The following XPR1 variants were observed in gnomAD, a reference collection of about 807,000 sequenced individuals.
The protein encoded by XPR1 is solute carrier family 53 member 1.
XPR1 carries 28 observed loss-of-function variants against 87.5 expected under a neutral mutation model. The observed-to-expected ratio is 0.32, with a 90% CI of 0.24 to 0.44. XPR1 has a LOEUF of 0.44. XPR1 is among the 20% of genes least tolerant of loss of function. XPR1 has a pLI of 1.00. For missense variants in XPR1, 559 were observed against 862.3 expected (o/e 0.65, Z 4.41); for synonymous variants, 300 against 306.1 (o/e 0.98, Z 0.21).
At chr1:180,863,687 C>T (rs770881368) in intron 11 of XPR1, 21 bp from the exon 12 acceptor site, 4 of 1,536,232 alleles carry the variant, frequency 2.6e-6, no homozygotes, top group Non-Finnish European at 2.6e-6. Context: ...TCTCTTTTCT[C>T]TTTCCCTCTT....
chr1:180,853,585 T>C (rs755294225), intron 11 of XPR1, among the ~76,000 whole-genome samples: 11 of 151,496 alleles, frequency 7.3e-5, no homozygotes, highest in Non-Finnish European at 1.0e-4. Context: ...ATTTTTTTAA[T>C]TGAAAACTGG....
At chr1:180,841,868 G>A (rs964408667) in intron 11 of XPR1, among the ~76,000 whole-genome samples, 8 of 151,926 alleles carry the variant, frequency 5.3e-5, no homozygotes, top group African/African-American at 1.9e-4. Flanking sequence ...GCTTAAAATC[G>A]AGGGAAAAAG....
intron 7 of XPR1, among the ~76,000 whole-genome samples, chr1:180,811,901 C>T (rs1405672050): frequency 6.6e-6 from 1 of 152,134 alleles, no homozygotes; most frequent in Admixed American, 6.5e-5. Context: ...AATCTATTTA[C>T]AATTACTTTG....
At chr1:180,724,862 T>C (rs1479059770) in intron 2 of XPR1, among the ~76,000 whole-genome samples, 1 of 152,222 alleles carries the variant, frequency 6.6e-6, no homozygotes, top group Non-Finnish European at 1.5e-5. Context: ...GTATACATCA[T>C]TGGTAACAGA....
chr1:180,786,021 G>A (rs930852361), intron 2 of XPR1, among the ~76,000 whole-genome samples: 6 of 151,192 alleles, frequency 4.0e-5, no homozygotes, highest in South Asian at 2.1e-4. Context: ...AATAATTCCC[G>A]GTGACCTTGG....
At chr1:180,832,488 G>A (rs1423480106) in intron 9 of XPR1, among the ~76,000 whole-genome samples, 1 of 152,138 alleles carries the variant, frequency 6.6e-6, no homozygotes, top group Non-Finnish European at 1.5e-5. Flanking sequence ...GAATGGTATT[G>A]CCTAGATTTT....
chr1:180,876,635 CAA>C (rs532038656), intron 13 of XPR1, among the ~76,000 whole-genome samples: 19 of 108,022 alleles, frequency 1.8e-4, no homozygotes, highest in Admixed American at 2.9e-4. Context: ...GACCCTGTCT[CAA>C]AAAAAAAAAA....
chr1:180,808,173 A>C (rs1350403697), intron 6 of XPR1, among the ~76,000 whole-genome samples: 1 of 152,182 alleles, frequency 6.6e-6, no homozygotes, highest in Non-Finnish European at 1.5e-5. Context: ...TAGAGTGTCC[A>C]AAAATAGACT....
chr1:180,817,211 CAA>C (rs1396005114), intron 7 of XPR1, among the ~76,000 whole-genome samples: 1 of 151,930 alleles, frequency 6.6e-6, no homozygotes, highest in East Asian at 1.9e-4. Flanking sequence ...GGTATTATTA[CAA>C]AAGAGTTAAA....
In XPR1 at chr1:180,744,650, C is replaced by CTTTTTTTT. The variant is rs200044209; in HGVS notation, c.122-43100_122-43099insTTTTTTTT. Among the ~76,000 whole-genome samples the CTTTTTTTT allele has an allele frequency of 3.8e-3, 213 of 56,780 alleles. 3 individuals are homozygous for CTTTTTTTT. The highest frequency in any genetic ancestry group is 8.4e-3 in the African/African-American group (143 of 17,048). The allele number at this position is 56,780 out of a possible 152,430, so 37.2% of individuals were successfully genotyped here. ...ACTTGTTCAGGTTTAGGCACAATTT[C>CTTTTTTTT]TTTCTTTTTTTTTTTTTTGAGACAG... On this transcript the variant is annotated intron_variant, in intron 2 of 14. Transcript: ENST00000367590.
At chr1:180,697,736 T>G (rs956015344) in intron 2 of XPR1, among the ~76,000 whole-genome samples, 2 of 152,142 alleles carry the variant, frequency 1.3e-5, no homozygotes, top group African/African-American at 4.8e-5. Flanking sequence ...TTGTTAATTT[T>G]CATGTATTTG....
At chr1:180,735,942 G>A (rs977649771) in intron 2 of XPR1, among the ~76,000 whole-genome samples, 3 of 152,080 alleles carry the variant, frequency 2.0e-5, no homozygotes, top group Non-Finnish European at 4.4e-5. Context: ...TCAGCAACCA[G>A]TCATGAGTAT....
intron 2 of XPR1, among the ~76,000 whole-genome samples, chr1:180,772,485 C>G (rs145440410): frequency 2.2e-3 from 327 of 152,038 alleles, no homozygotes; most frequent in Middle Eastern, 6.8e-3. Context: ...GTGTGTGTGT[C>G]TGTCTGTCTG....
chr1:180,841,795 TA>T (rs894506767), intron 11 of XPR1, among the ~76,000 whole-genome samples: 10 of 151,154 alleles, frequency 6.6e-5, no homozygotes, highest in Non-Finnish European at 1.2e-4. Context: ...TATTGGTAAA[TA>T]AAAAAAAACT....
At position 180,806,106 on chromosome 1, in the gene XPR1, C is replaced by T. The variant is rs1649977127; in HGVS notation, c.492C>T (p.Asp164=). ...TTCGAAAAATCCTGAAAAAGCATGACAAGATCCTGGAAACATCTCGTGGAG... is the reference window on the plus strand; with the variant it reads ...TTCGAAAAATCCTGAAAAAGCATGATAAGATCCTGGAAACATCTCGTGGAG... The part of the protein sequence containing the change: ...TGFRKILKKH[D]KILETSRGAD... The change falls in exon 5 of 15, where the codon GAC becomes GAT. Residue 164 remains aspartate, a synonymous_variant. Coordinates refer to ENST00000367590, the MANE Select transcript of XPR1 (RefSeq NM_004736.4). The T allele has an allele frequency of 6.2e-7, 1 of 1,613,654 alleles. No individual in the cohort carries two copies. Among genetic ancestry groups the T allele is most frequent in the African/African-American group, 1.3e-5 (1 of 75,020 alleles).
At chr1:180,874,092 A>T in intron 13 of XPR1, 150 bp downstream of exon 13, 1 of 983,824 alleles carries the variant, frequency 1.0e-6, no homozygotes, top group South Asian at 1.8e-5. Context: ...GAATTGGAAA[A>T]CCATGTTGGC....
At chr1:180,696,057 C>T (rs1378079276) in intron 2 of XPR1, among the ~76,000 whole-genome samples, 1 of 151,490 alleles carries the variant, frequency 6.6e-6, no homozygotes, top group African/African-American at 2.4e-5. Flanking sequence ...TCTTCTGACC[C>T]ATGAGCATGG....
intron 1 of XPR1, among the ~76,000 whole-genome samples, chr1:180,677,832 A>G (rs61809314): frequency 0.054 from 8,224 of 152,288 alleles, 327 homozygotes; most frequent in Non-Finnish European, 0.079. Context: ...AGTTTGGTCT[A>G]TGCCCTGGAA....
chr1:180,679,259 T>C (rs1656477814), intron 1 of XPR1, among the ~76,000 whole-genome samples: 1 of 152,124 alleles, frequency 6.6e-6, no homozygotes, highest in Non-Finnish European at 1.5e-5. Context: ...CTTCTTCCTT[T>C]TTGGTATTTA....
Sources: gnomAD v4.1 joint callset for allele counts (sites outside exome capture counted in the v4.1 genomes callset) on GRCh38, gnomAD v4.1.1 for gene constraint, MANE v1.5 for transcripts, NCBI Gene and HGNC (gene_info 2026-07-23, HGNC 2026-07-21) for gene names.